Variants in RBM25 observed in about 807,000 individuals in gnomAD.
RBM25 encodes RNA binding motif protein 25.
A neutral mutation model predicts 120.7 loss-of-function variants in RBM25; 19 were observed. The observed-to-expected ratio is 0.16, with a 90% CI of 0.11 to 0.23. RBM25 has a LOEUF of 0.23. Ranked by LOEUF, RBM25 falls within the 10% of genes least tolerant of loss-of-function variation. The pLI, the probability that RBM25 is intolerant of heterozygous loss-of-function variation, is 1.00. For synonymous variants in RBM25, 390 were observed against 326.7 expected (o/e 1.19, Z -2.09); for missense variants, 605 against 1,041.5 (o/e 0.58, Z 5.77).
intron 5 of RBM25, among the ~76,000 whole-genome samples, chr14:73,086,421 C>T (rs1156416836): frequency 1.3e-5 from 2 of 148,456 alleles, no homozygotes; most frequent in African/African-American, 2.5e-5. Context: ...CTGGTGACAG[C>T]GCGAGACTCC....
chr14:73,065,437 T>G (rs938948938), intron 1 of RBM25, among the ~76,000 whole-genome samples: 9 of 148,996 alleles, frequency 6.0e-5, no homozygotes, highest in Middle Eastern at 3.5e-3. Flanking sequence ...TAATTTTTTT[T>G]TTTTTTGAAA....
chr14:73,058,595 G>T lies in RBM25; in HGVS notation c.-126G>T, dbSNP rs942053438. The T allele has an allele frequency of 6.6e-6, 1 of 152,186 alleles. No individual in the cohort carries two copies. The allele number at this position is 152,186 out of a possible 1,614,324, so 9.4% of individuals were successfully genotyped here. A position where few individuals can be genotyped will look rare whatever the true frequency, so the allele number is the denominator to read the frequency against. On this transcript the variant is annotated 5_prime_UTR_variant, in exon 1 of 19. Coordinates refer to ENST00000261973, the MANE Select transcript of RBM25 (RefSeq NM_021239.3). ...TTGCGGCCTGTGCGAGTAGGCGCTTGGGCACTCAGTCTCCCTGGCGAGCGA... is the reference window on the plus strand; with the variant it reads ...TTGCGGCCTGTGCGAGTAGGCGCTTTGGCACTCAGTCTCCCTGGCGAGCGA...
At chr14:73,100,613 G>A in intron 9 of RBM25, 1 of 285,354 alleles carries the variant, frequency 3.5e-6, no homozygotes, top group East Asian at 5.8e-5. Context: ...AGGTGTTGCT[G>A]GTTCTTACTG....
At chr14:73,101,903 C>A (rs1397710219) in intron 9 of RBM25, 2 of 152,278 alleles carry the variant, frequency 1.3e-5, no homozygotes, top group African/African-American at 4.8e-5. Flanking sequence ...TGTCCTCTTT[C>A]TATCATATCT....
rs1896568011 is a variant in RBM25, at chr14:73,123,400, A to T, written c.*3595A>T. On this transcript the variant is annotated 3_prime_UTR_variant, in exon 19 of 19. Coordinates refer to ENST00000261973, the MANE Select transcript of RBM25 (RefSeq NM_021239.3). The stretch of plus-strand genomic sequence containing the variant: ...AATTTATACCCAAAAGACTGCTGAG[A>T]GGTTTTATGTCAAATTGATTACAAA... The T allele has an allele frequency of 6.6e-6, 1 of 152,124 alleles. No individual in the cohort carries two copies. Among genetic ancestry groups the T allele is most frequent in the Non-Finnish European group, 1.5e-5 (1 of 68,022 alleles). 9.4% of individuals were successfully genotyped at this position (152,124 alleles called of 1,614,324 possible).
chr14:73,071,537 A>C, intron 1 of RBM25, 90 bp from the exon 2 acceptor site: 1 of 882,866 alleles, frequency 1.1e-6, no homozygotes, highest in East Asian at 2.6e-5. Flanking sequence ...AGAATTTTGC[A>C]GATACTCTAA....
intron 4 of RBM25, among the ~76,000 whole-genome samples, chr14:73,077,882 G>A (rs1247298173): frequency 3.3e-5 from 5 of 152,170 alleles, no homozygotes; most frequent in Non-Finnish European, 5.9e-5. Context: ...AAATTTGGCC[G>A]GGTGCAGTGG....
At chr14:73,080,826 T>TC (rs911614492) in intron 4 of RBM25, among the ~76,000 whole-genome samples, 1 of 148,314 alleles carries the variant, frequency 6.7e-6, no homozygotes, top group Non-Finnish European at 1.5e-5. Flanking sequence ...TTTCTTTCTT[T>TC]TTTTTTTTTT....
chr14:73,070,806 G>A (rs1047778621), intron 1 of RBM25, among the ~76,000 whole-genome samples: 2 of 151,784 alleles, frequency 1.3e-5, no homozygotes, highest in Non-Finnish European at 2.9e-5. Context: ...AATTAGCTGG[G>A]CGTGGTGGCG....
In RBM25 at chr14:73,122,208, T is replaced by C. The variant is rs1052064102; in HGVS notation, c.*2403T>C. On this transcript the variant is annotated 3_prime_UTR_variant, in exon 19 of 19. Coordinates refer to ENST00000261973, the MANE Select transcript of RBM25 (RefSeq NM_021239.3). ...ATTTTAGTTTGAAAACCTTATACAG[T>C]ATGAATTCATTTTGCCATTTCAAGT... 2 of 151,660 alleles carry C rather than the reference T, an allele frequency of 1.3e-5. No individual in the cohort carries two copies. Among genetic ancestry groups the C allele is most frequent in the African/African-American group, 2.4e-5 (1 of 41,394 alleles). The allele number at this position is 151,660 out of a possible 1,614,324, so 9.4% of individuals were successfully genotyped here.
intron 1 of RBM25, among the ~76,000 whole-genome samples, chr14:73,067,636 C>T (rs1276431726): frequency 6.9e-6 from 1 of 145,008 alleles, no homozygotes; most frequent in East Asian, 2.0e-4. Flanking sequence ...CAGAGTCTCG[C>T]TCTGTTGCCC....
Position 73,067,705 on chromosome 14 carries a change from G to A in RBM25, c.-15-3922G>A, listed in dbSNP as rs536367368. On this transcript the variant is annotated intron_variant, in intron 1 of 18. Coordinates refer to ENST00000261973, the MANE Select transcript of RBM25 (RefSeq NM_021239.3). ...TGCAAGCTCCGCCTCCCAGGTTCAC[G>A]CCATTCTCCTGCCTCAGCCTCCCTA... Among the ~76,000 whole-genome samples, 8 of 149,916 alleles carry A rather than the reference G, an allele frequency of 5.3e-5. No individual in the cohort carries two copies. The South Asian group carries it at 1.1e-3, about 20-fold the overall frequency.
chr14:73,068,222 C>G (rs570981959), intron 1 of RBM25: 1 of 858,324 alleles, frequency 1.2e-6, no homozygotes. Context: ...TCCATTGATA[C>G]AGATGAGAAA....
intron 1 of RBM25, among the ~76,000 whole-genome samples, chr14:73,059,823 T>C (rs779700461): frequency 3.9e-5 from 6 of 152,204 alleles, no homozygotes; most frequent in Admixed American, 6.5e-5. Context: ...TCTTTTTTCT[T>C]TTAAGCTTTG....
rs149398979 is a variant in RBM25 at position 73,091,103 on chromosome 14, AT to A, written c.543+2945del. 1.2e-3 allele frequency among the ~76,000 whole-genome samples: 188 copies of A among 152,366 alleles called. 1 individual carries two copies. The highest frequency in any genetic ancestry group is 4.4e-3 in the African/African-American group (182 of 41,590). On this transcript the variant is annotated intron_variant, in intron 6 of 18. Transcript: ENST00000261973. ...TGTTTAATCTTCAGTTTGTGAGGTC[AT>A]TTAATTTGTAGCATTTGCAAATGTT... is the stretch of plus-strand genomic sequence containing the variant.
Position 73,071,747 on chromosome 14 carries a change from G to A in RBM25, c.106G>A (p.Gly36Arg), listed in dbSNP as rs1359764135. The A allele has an allele frequency of 6.2e-7, 1 of 1,607,778 alleles. No homozygotes were observed. The highest frequency in any genetic ancestry group is 8.5e-7 in the Non-Finnish European group (1 of 1,174,442). Residue 36 changes from glycine (G) to arginine (R), a missense_variant and splice_region_variant, in exon 2 of 19, where the codon GGG (glycine) becomes AGG (arginine). Around this residue, in one of 4 missense-constraint regions of RBM25, gnomAD observed 90 missense variants for 107.3 expected, o/e 0.84. Transcript: ENST00000261973. ...AGGATTTCCTCCACCTGTACCTCCA[G>A]GTAAGTTTGTTGATACTGTTTTTTG... Reference protein sequence around the residue: ...FPGFPPPVPPGTPMIPVPMSI... With the variant: ...FPGFPPPVPPRTPMIPVPMSI...
intron 7 of RBM25, 77 bp from the exon 8 acceptor site, chr14:73,099,303 A>G (rs1594924548): frequency 7.9e-7 from 1 of 1,264,270 alleles, no homozygotes; most frequent in South Asian, 1.3e-5. Flanking sequence ...TCATAAATGT[A>G]TAGGGCATTG....
intron 7 of RBM25, 96 bp from the exon 8 acceptor site, chr14:73,099,284 T>G: frequency 6.6e-6 from 7 of 1,061,764 alleles, no homozygotes; most frequent in Admixed American, 2.3e-5. Context: ...GTGTACTGTA[T>G]TGTTCACGTC....
At chr14:73,100,077 T>C (rs1896028266) in intron 9 of RBM25, 2 of 476,656 alleles carry the variant, frequency 4.2e-6, no homozygotes, top group African/African-American at 2.0e-5. Context: ...TAACATACAC[T>C]GTAGTGTATT....
Sources: gnomAD v4.1 joint callset for allele counts (sites outside exome capture counted in the v4.1 genomes callset) on GRCh38, gnomAD v4.1.1 for gene constraint, gnomAD v4.1.1 regional missense constraint, MANE v1.5 for transcripts, NCBI Gene and HGNC (gene_info 2026-07-23, HGNC 2026-07-21) for gene names.